PDXDC1: variants seen among roughly 807,000 people sequenced by gnomAD.
PDXDC1 encodes pyridoxal-dependent decarboxylase domain-containing protein 1.
A neutral mutation model predicts 100.1 loss-of-function variants in PDXDC1; 42 were observed. The observed-to-expected ratio is 0.42, with a 90% CI of 0.33 to 0.54. The LOEUF is 0.54. Ranked by LOEUF, PDXDC1 falls within the 20% of genes least tolerant of loss-of-function variation. The pLI is 0.10. For synonymous variants in PDXDC1, 260 were observed against 371.7 expected (o/e 0.70, Z 3.46); for missense variants, 636 against 979.2 (o/e 0.65, Z 4.68).
chr16:15,032,101 G>A lies in PDXDC1; in HGVS notation c.1571+195G>A, dbSNP rs967717892. 4 of 587,046 alleles carry A rather than the reference G, an allele frequency of 6.8e-6. No homozygotes were observed. The African/African-American group carries it at 7.4e-5, about 11-fold the overall frequency. 36.4% of individuals were successfully genotyped at this position (587,046 alleles called of 1,614,324 possible). Reference sequence around the variant, plus strand: ...CAATTTGGCCAGCGTGGCGCTCAGGGAGGGGAGTTGCTGAATGTTCTGTCT... The same window carrying A: ...CAATTTGGCCAGCGTGGCGCTCAGGAAGGGGAGTTGCTGAATGTTCTGTCT... On this transcript the variant is annotated intron_variant, in intron 17 of 22. Transcript: ENST00000396410.
intron 1 of PDXDC1, among the ~76,000 whole-genome samples, chr16:14,984,522 G>C (rs1968872399): frequency 8.0e-6 from 1 of 125,710 alleles, no homozygotes; most frequent in African/African-American, 2.9e-5. Flanking sequence ...TTCTGAGACG[G>C]ACTCTCACCC....
downstream of PDXDC1, chr16:15,040,287 T>C (rs1304215187): frequency 9.4e-6 from 4 of 425,356 alleles, no homozygotes; most frequent in Non-Finnish European, 1.7e-5. Flanking sequence ...CGGTGAGATT[T>C]TGTTCTAAAC....
intron 3 of PDXDC1, among the ~76,000 whole-genome samples, chr16:15,001,048 G>T (rs1304922168): frequency 5.3e-5 from 8 of 152,132 alleles, no homozygotes; most frequent in African/African-American, 1.2e-4. Context: ...GAAATGTATA[G>T]AAATGTTGCT....
chr16:14,986,605 A>G (rs1329172096), intron 1 of PDXDC1, among the ~76,000 whole-genome samples: 3 of 152,308 alleles, frequency 2.0e-5, no homozygotes, highest in African/African-American at 4.8e-5. Context: ...TCATTTATAC[A>G]ACAGAATTAA....
chr16:15,021,607 C>T (rs2151541091), intron 12 of PDXDC1, among the ~76,000 whole-genome samples: 1 of 152,408 alleles, frequency 6.6e-6, no homozygotes, highest in East Asian at 1.9e-4. Flanking sequence ...CTACCAGACC[C>T]TTGAGGTCAG....
At chr16:15,131,040 C>A (rs764921509) in intron 16 of PDXDC1, 2 of 1,521,214 alleles carry the variant, frequency 1.3e-6, no homozygotes, top group Non-Finnish European at 9.0e-7. Context: ...GCCTTCCCCC[C>A]AAGAACAAGG....
At chr16:15,013,186 G>A (rs1380763470) in intron 8 of PDXDC1, among the ~76,000 whole-genome samples, 1 of 149,428 alleles carries the variant, frequency 6.7e-6, no homozygotes, top group Non-Finnish European at 1.5e-5. Flanking sequence ...AAATAAATAA[G>A]TAAATAAATA....
intron 16 of PDXDC1, among the ~76,000 whole-genome samples, chr16:15,088,883 G>C (rs1266757832): frequency 6.6e-6 from 1 of 151,948 alleles, no homozygotes; most frequent in African/African-American, 2.4e-5. Flanking sequence ...CTCAATGAAG[G>C]AACAACCATG....
At chr16:15,006,953 A>G (rs936915646) in intron 6 of PDXDC1, among the ~76,000 whole-genome samples, 1 of 152,286 alleles carries the variant, frequency 6.6e-6, no homozygotes, top group African/African-American at 2.4e-5. Flanking sequence ...TCAAGTGAAT[A>G]TATAGTAATT....
intron 1 of PDXDC1, chr16:14,976,926 G>A (rs1474323248): frequency 6.6e-6 from 1 of 152,308 alleles, no homozygotes; most frequent in African/African-American, 2.4e-5. Context: ...TCATGTGATT[G>A]TAATTGGAAT....
intron 19 of PDXDC1, 125 bp from the exon 20 acceptor site, chr16:15,034,161 C>A (rs1198712711): frequency 2.7e-6 from 2 of 753,454 alleles, no homozygotes; most frequent in Non-Finnish European, 4.4e-6. Flanking sequence ...CGTTTTACGC[C>A]GGCTTTTCAA....
intron 16 of PDXDC1, chr16:15,137,658 C>T (rs575480773): frequency 4.0e-5 from 50 of 1,263,098 alleles, no homozygotes; most frequent in Middle Eastern, 2.6e-4. Context: ...GGAGCCCCCC[C>T]CCAGAGAGGC....
chr16:14,981,308 T>C (rs1967927859), intron 1 of PDXDC1, among the ~76,000 whole-genome samples: 1 of 152,294 alleles, frequency 6.6e-6, no homozygotes, highest in African/African-American at 2.4e-5. Flanking sequence ...TAACAATCCC[T>C]GAACAAGGTA....
At chr16:15,063,165 CGA>C (rs753385620) in intron 16 of PDXDC1, 1 of 1,432,152 alleles carries the variant, frequency 7.0e-7, no homozygotes, top group South Asian at 1.1e-5. Flanking sequence ...AAGGAGATTC[CGA>C]GAGTGTGCTC....
intron 1 of PDXDC1, among the ~76,000 whole-genome samples, chr16:14,995,728 C>T (rs1263067913): frequency 6.6e-6 from 1 of 152,282 alleles, no homozygotes; most frequent in African/African-American, 2.4e-5. Context: ...ACCAGCTCCT[C>T]CTTTTACCTC....
intron 16 of PDXDC1, among the ~76,000 whole-genome samples, chr16:15,056,463 T>C (rs1007244973): frequency 6.6e-6 from 1 of 152,176 alleles, no homozygotes; most frequent in African/African-American, 2.4e-5. Flanking sequence ...CTCCGTAGGA[T>C]TGCATTCAAT....
At chr16:15,062,587 C>T (rs1365671656) in intron 16 of PDXDC1, among the ~76,000 whole-genome samples, 8 of 152,314 alleles carry the variant, frequency 5.3e-5, no homozygotes, top group Middle Eastern at 6.8e-3. Flanking sequence ...TTGCAACCTG[C>T]GTCTTCACCA....
downstream of PDXDC1, among the ~76,000 whole-genome samples, chr16:15,039,265 C>G (rs1294189878): frequency 6.6e-6 from 1 of 152,190 alleles, no homozygotes; most frequent in Non-Finnish European, 1.5e-5. Context: ...AGGCCTGTTA[C>G]ACTCCTTGAG....
intron 8 of PDXDC1, among the ~76,000 whole-genome samples, chr16:15,014,995 T>TG (rs2041673284): frequency 1.3e-5 from 2 of 152,292 alleles, no homozygotes; most frequent in African/African-American, 4.8e-5. Context: ...TGGAGTGCAG[T>TG]GGCACGATCT....
Sources: allele counts gnomAD v4.1 joint callset (sites outside exome capture counted in the v4.1 genomes callset), GRCh38; gene constraint gnomAD v4.1.1; transcripts MANE v1.5; gene names NCBI Gene and HGNC (gene_info 2026-07-23, HGNC 2026-07-21).